The following TMCC3 variants were observed in gnomAD, a reference collection of about 807,000 sequenced individuals.
TMCC3 encodes transmembrane and coiled-coil domain family 3.
Under a neutral mutation model 40.2 loss-of-function variants are expected in TMCC3, and 28 were observed. The ratio of observed to expected loss-of-function variants is 0.70; its 90% confidence interval spans 0.52 to 0.95. The LOEUF is 0.95. Ranked by LOEUF, TMCC3 falls within the 40% of genes least tolerant of loss-of-function variation. The pLI is 0.00. For missense variants in TMCC3, 554 were observed against 615.2 expected, an observed-to-expected ratio of 0.90 and a Z score of 1.05; for synonymous variants, 255 against 248.5, an observed-to-expected ratio of 1.03 and a Z score of -0.25.
intron 1 of TMCC3, among the ~76,000 whole-genome samples, chr12:94,627,081 C>T (rs1383178289): frequency 1.3e-5 from 2 of 152,048 alleles, no homozygotes; most frequent in Non-Finnish European, 1.5e-5. Context: ...AGGCTGGTCT[C>T]GAACTCCTGA....
In TMCC3 at chr12:94,600,486, C is replaced by T. The variant is rs551197935; in HGVS notation, c.79-17948G>A. On this transcript the variant is annotated intron_variant, in intron 1 of 3. Coordinates refer to ENST00000261226, the MANE Select transcript of TMCC3 (RefSeq NM_020698.4). ...CTAAAACACTGCTTAAGATGTTCAACGATTCTTCCTTTAATAAAGAGATTG... is the reference window on the plus strand; with the variant it reads ...CTAAAACACTGCTTAAGATGTTCAATGATTCTTCCTTTAATAAAGAGATTG... 1.1e-3 allele frequency among the ~76,000 whole-genome samples: 170 copies of T among 152,254 alleles called. 1 individual carries two copies. The highest frequency in any genetic ancestry group is 2.9e-3 in the South Asian group (14 of 4,824).
Position 94,645,178 on chromosome 12 carries a change from G to A in TMCC3, c.78+5175C>T, listed in dbSNP as rs547207660. Among the ~76,000 whole-genome samples, 6 of 152,090 alleles carry A rather than the reference G, an allele frequency of 3.9e-5. No homozygotes were observed. The South Asian group carries it at 6.2e-4, about 16-fold the overall frequency. ...CTCAGTAAGTATTTTTTGAATAAAC[G>A]AAGCATCTTGCTCTCAAAGTGCCAA... On this transcript the variant is annotated intron_variant, in intron 1 of 3. Coordinates refer to ENST00000261226, the MANE Select transcript of TMCC3 (RefSeq NM_020698.4).
intron 1 of TMCC3, among the ~76,000 whole-genome samples, chr12:94,600,525 G>A (rs1226610780): frequency 1.3e-5 from 2 of 152,114 alleles, no homozygotes; most frequent in Non-Finnish European, 1.5e-5. Flanking sequence ...TCCTCCCCTT[G>A]CTGGTACTTA....
intron 1 of TMCC3, among the ~76,000 whole-genome samples, chr12:94,644,014 G>C (rs1312778900): frequency 1.3e-5 from 2 of 152,192 alleles, no homozygotes; most frequent in Admixed American, 1.3e-4. Flanking sequence ...ATGTTGCCTG[G>C]TGTACAGTAA....
intron 1 of TMCC3, among the ~76,000 whole-genome samples, chr12:94,594,655 C>G (rs191350955): frequency 6.6e-6 from 1 of 152,060 alleles, no homozygotes; most frequent in East Asian, 1.9e-4. Context: ...CTGGGAGAAC[C>G]GCCCCCAGGA....
chr12:94,629,998 G>A (rs552121796), intron 1 of TMCC3, among the ~76,000 whole-genome samples: 1 of 152,224 alleles, frequency 6.6e-6, no homozygotes, highest in East Asian at 1.9e-4. Flanking sequence ...AGGCGTGGTG[G>A]CTCATGCCTG....
At chr12:94,580,018 T>C (rs369297821) in intron 2 of TMCC3, among the ~76,000 whole-genome samples, 2 of 152,348 alleles carry the variant, frequency 1.3e-5, no homozygotes, top group Non-Finnish European at 2.9e-5. Flanking sequence ...AAGATTTTTG[T>C]TTCATAAAAT....
At chr12:94,638,365 T>C (rs1225681018) in intron 1 of TMCC3, among the ~76,000 whole-genome samples, 2 of 152,186 alleles carry the variant, frequency 1.3e-5, no homozygotes, top group African/African-American at 4.8e-5. Flanking sequence ...TGCCATCTTA[T>C]GGGGTGGATT....
At chr12:94,606,534 T>C (rs1239533105) in intron 1 of TMCC3, among the ~76,000 whole-genome samples, 2 of 152,044 alleles carry the variant, frequency 1.3e-5, no homozygotes, top group African/African-American at 4.8e-5. Context: ...GCCTGGCTAA[T>C]TTTTGTATTT....
intron 1 of TMCC3, among the ~76,000 whole-genome samples, chr12:94,596,397 C>A (rs1279984120): frequency 6.6e-6 from 1 of 152,196 alleles, no homozygotes; most frequent in Non-Finnish European, 1.5e-5. Flanking sequence ...CTGAACACTG[C>A]ATGCACTTTG....
intron 1 of TMCC3, among the ~76,000 whole-genome samples, chr12:94,627,708 T>C (rs1487087212): frequency 6.6e-6 from 1 of 152,228 alleles, no homozygotes; most frequent in Non-Finnish European, 1.5e-5. Flanking sequence ...TTTCTCAATG[T>C]TTCCCCTGAC....
rs767193035 is a variant in TMCC3, at chr12:94,567,399, A to G, written c.*4036T>C. 6.6e-6 allele frequency: 1 copy of G among 152,260 alleles called. No individual in the cohort carries two copies. The highest frequency in any genetic ancestry group is 1.5e-5 in the Non-Finnish European group (1 of 68,048). 9.4% of individuals were successfully genotyped at this position (152,260 alleles called of 1,614,324 possible). On this transcript the variant is annotated 3_prime_UTR_variant, in exon 4 of 4. Transcript: ENST00000261226. ...TAAACACAGAGCACGTTTTGTTGAA[A>G]TATTTCTCTTAGGACAAACACAGTA...
At chr12:94,572,851 G>A (rs2068541009) in intron 3 of TMCC3, among the ~76,000 whole-genome samples, 1 of 152,070 alleles carries the variant, frequency 6.6e-6, no homozygotes, top group Admixed American at 6.6e-5. Flanking sequence ...GCTGACTGTG[G>A]GGCAACTGTG....
rs542546502 is a variant in TMCC3, at chr12:94,606,775, G to C, written c.79-24237C>G. 3.9e-5 allele frequency among the ~76,000 whole-genome samples: 6 copies of C among 152,210 alleles called. 1 individual carries two copies. In the East Asian group the frequency reaches 1.2e-3, roughly 29 times the overall value. The stretch of plus-strand genomic sequence containing the variant: ...AAAGGGGAGGGGGTGTACGAACAGG[G>C]CGTAGGTCACAAAGATCACATGCTT... On this transcript the variant is annotated intron_variant, in intron 1 of 3. Transcript: ENST00000261226.
rs139007966 is a variant in TMCC3, at chr12:94,574,730, T to C, written c.1132-2993A>G. Among the ~76,000 whole-genome samples the C allele has an allele frequency of 9.6e-3, 1,455 of 152,326 alleles. 31 individuals carry two copies. The highest frequency in any genetic ancestry group is 0.034 in the African/African-American group (1,400 of 41,564). On this transcript the variant is annotated intron_variant, in intron 3 of 3. Coordinates refer to ENST00000261226, the MANE Select transcript of TMCC3 (RefSeq NM_020698.4). ...TGCTGGCTTTCAGCAATAACAGGCA[T>C]GTACTAGAAATCATGTGTTCTTTTC...
chr12:94,590,993 A>C, intron 1 of TMCC3: 1 of 559,376 alleles, frequency 1.8e-6, no homozygotes. Flanking sequence ...GGAGATGAGG[A>C]AGAAACCGCG....
chr12:94,636,565 T>C (rs1255547767), intron 1 of TMCC3, among the ~76,000 whole-genome samples: 3 of 152,180 alleles, frequency 2.0e-5, no homozygotes, highest in Non-Finnish European at 4.4e-5. Flanking sequence ...TATGGAAAAA[T>C]AAAGGAATTT....
At chr12:94,595,272 A>G (rs757386842) in intron 1 of TMCC3, among the ~76,000 whole-genome samples, 50 of 152,200 alleles carry the variant, frequency 3.3e-4, no homozygotes, top group Non-Finnish European at 6.3e-4. Context: ...GAGGCTAGGT[A>G]TGTCATCTTG....
chr12:94,625,312 G>A (rs905874895), intron 1 of TMCC3, among the ~76,000 whole-genome samples: 8 of 151,892 alleles, frequency 5.3e-5, no homozygotes, highest in Admixed American at 4.6e-4. Flanking sequence ...AATGGGCTGG[G>A]CGTAGTGGCT....
Sources: allele counts gnomAD v4.1 joint callset (sites outside exome capture counted in the v4.1 genomes callset), GRCh38; gene constraint gnomAD v4.1.1; transcripts MANE v1.5; gene names NCBI Gene and HGNC (gene_info 2026-07-23, HGNC 2026-07-21).